Variants in CNTNAP4 observed in about 807,000 individuals in gnomAD.
CNTNAP4 encodes contactin associated protein family member 4.
A neutral mutation model predicts 148.4 loss-of-function variants in CNTNAP4; 98 were observed. The observed-to-expected ratio is 0.66, with a 90% CI of 0.56 to 0.78. The LOEUF (loss-of-function observed/expected upper bound fraction) is 0.78, where lower values mean the gene tolerates loss of function less well. Among genes scored for constraint, CNTNAP4 ranks in the 30% least tolerant of loss-of-function variants. The pLI is 0.00. For synonymous variants in CNTNAP4, 730 were observed against 565.1 expected (o/e 1.29, Z -4.14); for missense variants, 1,935 against 1,565.6 (o/e 1.24, Z -3.98).
chr16:76,462,193 A>C (rs1006043458), intron 9 of CNTNAP4, 88 bp downstream of exon 9: 2 of 1,128,928 alleles, frequency 1.8e-6, no homozygotes, highest in Non-Finnish European at 2.5e-6. Context: ...TGTTTTAACT[A>C]ATATGAATAC....
Position 76,494,943 on chromosome 16 carries a change from C to A in CNTNAP4, c.2114C>A (p.Thr705Asn), listed in dbSNP as rs766998790. 7 of 1,613,440 alleles carry A rather than the reference C, an allele frequency of 4.3e-6. No homozygotes were observed. The highest frequency in any genetic ancestry group is 1.7e-5 in the Admixed American group (1 of 59,992). Residue 705 changes from threonine (T) to asparagine (N), a missense_variant, in exon 14 of 24, where the codon ACC becomes AAC. Thr to Asn is a moderately conservative substitution (Grantham distance 65). Transcript: ENST00000611870. Reference protein sequence around the residue: ...GTPLSWWVGRTNETQTYWGGS... With the variant: ...GTPLSWWVGRNNETQTYWGGS... ...CCTCTGAGTTGGTGGGTAGGAAGAACCAATGAAACGCAAACCTACTGGGGA... is the reference window on the plus strand; with the variant it reads ...CCTCTGAGTTGGTGGGTAGGAAGAAACAATGAAACGCAAACCTACTGGGGA...
chr16:76,332,664 A>T (rs1963643126), intron 2 of CNTNAP4, among the ~76,000 whole-genome samples: 1 of 152,100 alleles, frequency 6.6e-6, no homozygotes, highest in Non-Finnish European at 1.5e-5. Context: ...CCCATTATGC[A>T]TACATTGATA....
At chr16:76,353,275 CAG>C (rs1334656422) in intron 2 of CNTNAP4, among the ~76,000 whole-genome samples, 1 of 152,170 alleles carries the variant, frequency 6.6e-6, no homozygotes, top group African/African-American at 2.4e-5. Context: ...TAGTAAGAAA[CAG>C]GGATTATACC....
chr16:76,359,220 G>A (rs1406225746), intron 3 of CNTNAP4, among the ~76,000 whole-genome samples: 2 of 152,140 alleles, frequency 1.3e-5, no homozygotes, highest in Non-Finnish European at 2.9e-5. Context: ...ATTATAGGAT[G>A]TATACCAATT....
intron 15 of CNTNAP4, among the ~76,000 whole-genome samples, chr16:76,510,839 G>C (rs72799039): frequency 0.015 from 2,355 of 152,122 alleles, 40 homozygotes; most frequent in Non-Finnish European, 0.026. Flanking sequence ...TTTCTCTCAG[G>C]AATCTATGGA....
chr16:76,353,745 C>T (rs1199148247), intron 2 of CNTNAP4, among the ~76,000 whole-genome samples: 5 of 152,132 alleles, frequency 3.3e-5, no homozygotes, highest in South Asian at 2.1e-4. Context: ...TCCTGCCTGG[C>T]GTCTTCTCTT....
Position 76,538,093 on chromosome 16 carries a change from AATAT to A in CNTNAP4, c.2996-12_2996-9del. On this transcript the variant is annotated intron_variant, in intron 18 of 23. Transcript: ENST00000611870. The stretch of plus-strand genomic sequence containing the variant: ...CCTTGTACTTAAAATTTTTAACAAA[AATAT>A]ATATATATATTATTTCAGAGATTTC... The A allele has an allele frequency of 3.8e-6, 4 of 1,052,140 alleles. No individual in the cohort carries two copies. Among genetic ancestry groups the A allele is most frequent in the South Asian group, 2.9e-5 (1 of 34,248 alleles). The allele number at this position is 1,052,140 out of a possible 1,614,324, so 65.2% of individuals were successfully genotyped here.
intron 4 of CNTNAP4, among the ~76,000 whole-genome samples, chr16:76,439,019 T>C (rs1161069532): frequency 1.3e-5 from 2 of 152,168 alleles, no homozygotes; most frequent in Admixed American, 6.5e-5. Flanking sequence ...TTGTACATAT[T>C]TACCAACTTG....
chr16:76,316,173 G>A, intron 1 of CNTNAP4: 1 of 573,672 alleles, frequency 1.7e-6, no homozygotes, highest in Non-Finnish European at 3.1e-6. Flanking sequence ...TTAAGATATT[G>A]TTTTATTATA....
chr16:76,285,288 A>G (rs1028226151), intron 1 of CNTNAP4, among the ~76,000 whole-genome samples: 2 of 152,090 alleles, frequency 1.3e-5, no homozygotes, highest in Admixed American at 6.6e-5. Flanking sequence ...TTAATGAGTC[A>G]TTCCAATGTA....
intron 15 of CNTNAP4, among the ~76,000 whole-genome samples, chr16:76,513,021 A>G (rs1239809222): frequency 6.6e-6 from 1 of 152,132 alleles, no homozygotes; most frequent in Non-Finnish European, 1.5e-5. Context: ...TGGGAGGAAA[A>G]AATGTGGGAA....
At chr16:76,504,675 A>C (rs1039372121) in intron 15 of CNTNAP4, among the ~76,000 whole-genome samples, 3 of 152,288 alleles carry the variant, frequency 2.0e-5, no homozygotes, top group Non-Finnish European at 4.4e-5. Flanking sequence ...ATTGAAAAGA[A>C]AAGCTACAGA....
intron 4 of CNTNAP4, among the ~76,000 whole-genome samples, chr16:76,434,989 G>A (rs4396561): frequency 0.64 from 97,196 of 152,122 alleles, 32,469 homozygotes; most frequent in African/African-American, 0.84. Flanking sequence ...AGTGTCCAGT[G>A]GTCCCTGAAG....
chr16:76,448,671 C>T lies in CNTNAP4; in HGVS notation c.743-96C>T, dbSNP rs991727021. Reference sequence around the variant, plus strand: ...AAACGGAATGCGTAGAAGGAGATTGCAATTATTATGAAAGATGGTGGTCCA... The same window carrying T: ...AAACGGAATGCGTAGAAGGAGATTGTAATTATTATGAAAGATGGTGGTCCA... On this transcript the variant is annotated intron_variant, in intron 5 of 23. Coordinates refer to ENST00000611870, the MANE Select transcript of CNTNAP4 (RefSeq NM_033401.5). 1.2e-5 allele frequency: 10 copies of T among 864,634 alleles called. No individual in the cohort carries two copies. The African/African-American group carries it at 1.2e-4, about 11-fold the overall frequency. 53.6% of individuals were successfully genotyped at this position (864,634 alleles called of 1,614,324 possible).
chr16:76,401,831 C>A (rs191081144), intron 3 of CNTNAP4, among the ~76,000 whole-genome samples: 3 of 152,144 alleles, frequency 2.0e-5, no homozygotes, highest in African/African-American at 7.2e-5. Context: ...TCTGTTTATG[C>A]GATGAATCAC....
chr16:76,517,771 A>G (rs2083304666), intron 15 of CNTNAP4, among the ~76,000 whole-genome samples: 1 of 152,116 alleles, frequency 6.6e-6, no homozygotes, highest in Non-Finnish European at 1.5e-5. Context: ...ATTTTAGAAC[A>G]TGGTCATTAC....
In CNTNAP4 at chr16:76,559,695, A is replaced by G. The variant is rs1597170006; in HGVS notation, c.*1012A>G. On this transcript the variant is annotated 3_prime_UTR_variant, in exon 24 of 24. Transcript: ENST00000611870. ...AACTTCGCCTTGATCTTCAATGATT[A>G]TACTTCACGAATCATCTTATATATT... Among the ~76,000 whole-genome samples, 1 of 152,144 alleles carries G rather than the reference A, an allele frequency of 6.6e-6. No individual in the cohort carries two copies. Among genetic ancestry groups the G allele is most frequent in the East Asian group, 1.9e-4 (1 of 5,192 alleles).
intron 18 of CNTNAP4, among the ~76,000 whole-genome samples, chr16:76,536,508 TA>T (rs1344219017): frequency 6.6e-6 from 1 of 152,210 alleles, no homozygotes; most frequent in African/African-American, 2.4e-5. Flanking sequence ...GTTACTATTG[TA>T]TTTGTTGAAG....
intron 2 of CNTNAP4, among the ~76,000 whole-genome samples, chr16:76,337,902 A>T (rs559829948): frequency 6.6e-6 from 1 of 152,320 alleles, no homozygotes; most frequent in South Asian, 2.1e-4. Flanking sequence ...CCCCGCAGGC[A>T]GTCAGACCTT....
Sources: allele counts gnomAD v4.1 joint callset (sites outside exome capture counted in the v4.1 genomes callset), GRCh38; gene constraint gnomAD v4.1.1; transcripts MANE v1.5; gene names NCBI Gene and HGNC (gene_info 2026-07-23, HGNC 2026-07-21).